PXDNL: variants seen among roughly 807,000 people sequenced by gnomAD.
The protein encoded by PXDNL is peroxidasin like, also known as probable oxidoreductase PXDNL.
In PXDNL, 145 loss-of-function variants were observed where a neutral mutation model predicts 150.8. The ratio of observed to expected loss-of-function variants is 0.96; its 90% CI spans 0.84 to 1.10. The LOEUF (loss-of-function observed/expected upper bound fraction) is 1.10. Ranked by LOEUF, PXDNL falls within the 50% of genes least tolerant of loss-of-function variation. PXDNL has a pLI of 0.00. For missense variants in PXDNL, 2,087 were observed against 1,873.9 expected, an observed-to-expected ratio of 1.11 and a Z score of -2.10; for synonymous variants, 757 against 725.7, an observed-to-expected ratio of 1.04 and a Z score of -0.69.
At chr8:51,787,921 C>CACCA (rs894600129) in intron 1 of PXDNL, among the ~76,000 whole-genome samples, 1 of 152,172 alleles carries the variant, frequency 6.6e-6, no homozygotes, top group African/African-American at 2.4e-5. Context: ...CTTCAGCAAC[C>CACCA]ACCATCCTGA....
chr8:51,603,281 A>G (rs1813766355), intron 2 of PXDNL, among the ~76,000 whole-genome samples: 1 of 151,906 alleles, frequency 6.6e-6, no homozygotes, highest in African/African-American at 2.4e-5. Context: ...AACATCCGTC[A>G]AGCTTCAAAA....
At chr8:51,351,479 A>G (rs1174613448) in intron 19 of PXDNL, among the ~76,000 whole-genome samples, 1 of 152,210 alleles carries the variant, frequency 6.6e-6, no homozygotes, top group Non-Finnish European at 1.5e-5. Flanking sequence ...TGAGGGGCAT[A>G]GAATGCATTC....
chr8:51,780,654 C>CTTTTTTTTTT (rs71237240), intron 1 of PXDNL, among the ~76,000 whole-genome samples: 97 of 75,146 alleles, frequency 1.3e-3, no homozygotes, highest in African/African-American at 3.3e-3. Context: ...CTTTTCTTTT[C>CTTTTTTTTTT]TTTTTTTTTT....
intron 21 of PXDNL, among the ~76,000 whole-genome samples, chr8:51,329,395 A>G (rs1356178432): frequency 6.6e-6 from 1 of 152,204 alleles, no homozygotes; most frequent in Non-Finnish European, 1.5e-5. Flanking sequence ...ACACAGCACA[A>G]CAGTCAGCCT....
intron 2 of PXDNL, among the ~76,000 whole-genome samples, chr8:51,631,069 G>A (rs1421271295): frequency 6.6e-6 from 1 of 152,148 alleles, no homozygotes; most frequent in Non-Finnish European, 1.5e-5. Context: ...AGAAAATGTA[G>A]TATATATACA....
At chr8:51,404,139 T>C (rs1462274866) in intron 17 of PXDNL, among the ~76,000 whole-genome samples, 1 of 152,022 alleles carries the variant, frequency 6.6e-6, no homozygotes, top group East Asian at 1.9e-4. Flanking sequence ...TTGGGGTGAG[T>C]GTTTCAGCTC....
At position 51,696,568 on chromosome 8, in the gene PXDNL, C is replaced by T. The variant is rs118108043; in HGVS notation, c.165-41808G>A. Among the ~76,000 whole-genome samples, 114 of 152,016 alleles carry T rather than the reference C, an allele frequency of 7.5e-4. 1 individual carries two copies. In the East Asian group the frequency reaches 0.014, roughly 18 times the overall value. On this transcript the variant is annotated intron_variant, in intron 1 of 22. Coordinates refer to ENST00000356297, the MANE Select transcript of PXDNL (RefSeq NM_144651.5). ...GAGCAGGATGTAGGAACCTGCTCCC[C>T]GCTAGACACAACTCAAGGCCCATGA...
chr8:51,538,503 C>T (rs750405945), intron 4 of PXDNL, among the ~76,000 whole-genome samples: 3 of 152,018 alleles, frequency 2.0e-5, no homozygotes, highest in Admixed American at 6.5e-5. Flanking sequence ...CAGTGGCTCA[C>T]GCCTGTAATC....
chr8:51,528,629 A>G (rs1436042274), intron 4 of PXDNL, among the ~76,000 whole-genome samples: 1 of 152,188 alleles, frequency 6.6e-6, no homozygotes, highest in Non-Finnish European at 1.5e-5. Context: ...GGTAGGTCCA[A>G]TCTAATCACA....
chr8:51,750,683 C>G (rs1346488312), intron 1 of PXDNL, among the ~76,000 whole-genome samples: 7 of 152,188 alleles, frequency 4.6e-5, no homozygotes, highest in Non-Finnish European at 1.0e-4. Flanking sequence ...ATGATGGTCT[C>G]TTATTTACTA....
At chr8:51,595,040 A>G (rs1813534223) in intron 2 of PXDNL, among the ~76,000 whole-genome samples, 1 of 152,210 alleles carries the variant, frequency 6.6e-6, no homozygotes, top group African/African-American at 2.4e-5. Flanking sequence ...AAAACAAAAA[A>G]GAGGCAAGCA....
intron 4 of PXDNL, among the ~76,000 whole-genome samples, chr8:51,521,328 T>TA (rs61154077): frequency 6.6e-6 from 1 of 151,756 alleles, no homozygotes; most frequent in African/African-American, 2.4e-5. Flanking sequence ...ATGGAAACTA[T>TA]AAAAAAAAAG....
At chr8:51,644,360 A>C (rs1814861584) in intron 2 of PXDNL, among the ~76,000 whole-genome samples, 1 of 98,912 alleles carries the variant, frequency 1.0e-5, no homozygotes, top group Non-Finnish European at 2.3e-5. Flanking sequence ...ACACACACAC[A>C]CACATATGTA....
At chr8:51,487,481 C>T (rs78834428) in intron 5 of PXDNL, among the ~76,000 whole-genome samples, 2,429 of 151,820 alleles carry the variant, frequency 0.016, 64 homozygotes, top group African/African-American at 0.055. Flanking sequence ...GTCTGGTCGA[C>T]TCTGTGTTCT....
intron 1 of PXDNL, among the ~76,000 whole-genome samples, chr8:51,735,908 T>A (rs1322360110): frequency 6.6e-6 from 1 of 152,210 alleles, no homozygotes; most frequent in Non-Finnish European, 1.5e-5. Context: ...ATAAAAGTTC[T>A]ATAACTGTTT....
intron 1 of PXDNL, among the ~76,000 whole-genome samples, chr8:51,726,047 G>A (rs552972048): frequency 6.6e-6 from 1 of 152,228 alleles, no homozygotes; most frequent in Non-Finnish European, 1.5e-5. Flanking sequence ...TTTGTCCAAT[G>A]TCATCTTGAA....
intron 1 of PXDNL, among the ~76,000 whole-genome samples, chr8:51,780,564 A>G (rs1353578806): frequency 6.6e-6 from 1 of 151,826 alleles, no homozygotes; most frequent in Non-Finnish European, 1.5e-5. Context: ...TACGCTGAGT[A>G]GCTTATAAAC....
At chr8:51,593,400 T>C (rs1327219451) in intron 2 of PXDNL, among the ~76,000 whole-genome samples, 3 of 152,174 alleles carry the variant, frequency 2.0e-5, no homozygotes, top group African/African-American at 7.2e-5. Flanking sequence ...ATTTAAATTA[T>C]TATGGCATGT....
At chr8:51,352,981 A>G (rs1377203728) in intron 19 of PXDNL, among the ~76,000 whole-genome samples, 1 of 152,174 alleles carries the variant, frequency 6.6e-6, no homozygotes, top group East Asian at 1.9e-4. Context: ...TGAGTATTGA[A>G]GATTACCTAT....
Sources: allele counts gnomAD v4.1 joint callset (sites outside exome capture counted in the v4.1 genomes callset), GRCh38; gene constraint gnomAD v4.1.1; transcripts MANE v1.5; gene names NCBI Gene and HGNC (gene_info 2026-07-23, HGNC 2026-07-21).